The following MTERF4 variants were observed in gnomAD, a reference collection of about 807,000 sequenced individuals.
MTERF4 encodes the protein mitochondrial transcription termination factor 4.
In MTERF4, 17 loss-of-function variants were observed where a neutral mutation model predicts 22.5. The ratio of observed to expected loss-of-function variants is 0.75; its 90% CI spans 0.52 to 1.13. The LOEUF (loss-of-function observed/expected upper bound fraction) is 1.13, where lower values mean the gene tolerates loss of function less well. Ranked by LOEUF, MTERF4 falls within the 50% of genes most tolerant of loss-of-function variation. The pLI is 0.00. For synonymous variants in MTERF4, 165 were observed against 175.3 expected, an observed-to-expected ratio of 0.94 and a Z score of 0.47; for missense variants, 420 against 466.8, an observed-to-expected ratio of 0.90 and a Z score of 0.92.
At chr2:241,087,672 G>C (rs1392535299), downstream of MTERF4, 2 of 1,377,560 alleles carry the variant, frequency 1.5e-6, no homozygotes, top group Non-Finnish European at 1.9e-6. Context: ...CATACCCAGA[G>C]GGGCACAGCC....
At chr2:241,067,766 C>A (rs1026668444), downstream of MTERF4, 10 of 1,605,778 alleles carry the variant, frequency 6.2e-6, no homozygotes, top group Non-Finnish European at 8.5e-6. Flanking sequence ...CCCCCTAGGA[C>A]CCCGCCCTGT....
At chr2:241,045,596 T>C in the MTERF4 span, among the ~76,000 whole-genome samples, 2 of 151,354 alleles carry the variant, frequency 1.3e-5, no homozygotes, top group Admixed American at 1.3e-4. Context: ...TATCCTTATA[T>C]GTATAAAAAA....
chr2:241,065,576 C>T, the MTERF4 span: 226 of 1,612,206 alleles, frequency 1.4e-4, 1 homozygote, highest in South Asian at 2.1e-3. Flanking sequence ...GCAGGCCTGC[C>T]GTGCTGCTGG....
downstream of MTERF4, chr2:241,094,768 A>T (rs2064281770): frequency 5.9e-6 from 1 of 169,588 alleles, no homozygotes; most frequent in African/African-American, 2.4e-5. This position sits in a 1 kb window ranked among gnomAD's most constrained non-coding sequence, Gnocchi z 4.3. Flanking sequence ...CTAGAATCCT[A>T]CAATCTACCA....
At chr2:241,084,355 T>C (rs1367621953), downstream of MTERF4, among the ~76,000 whole-genome samples, 1 of 152,140 alleles carries the variant, frequency 6.6e-6, no homozygotes, top group Non-Finnish European at 1.5e-5. Context: ...GGTTTCACCA[T>C]GTTGGCCAGG....
the MTERF4 span, among the ~76,000 whole-genome samples, chr2:241,052,831 G>A: frequency 0.01 from 1,150 of 112,382 alleles, 35 homozygotes; most frequent in African/African-American, 0.029. Context: ...ATGGGATGCC[G>A]GTGTCAGGCA....
the MTERF4 span, among the ~76,000 whole-genome samples, chr2:241,061,985 A>G: frequency 6.6e-6 from 1 of 152,248 alleles, no homozygotes; most frequent in African/African-American, 2.4e-5. Context: ...GTGAAAATCT[A>G]TGAACCACAG....
the MTERF4 span, chr2:241,064,805 C>T: frequency 2.1e-6 from 3 of 1,437,860 alleles, no homozygotes; most frequent in Admixed American, 8.2e-5. This position sits in a 1 kb window ranked among gnomAD's most constrained non-coding sequence, Gnocchi z 7.0. Flanking sequence ...GGACCCCTGG[C>T]CACGCCCCAA....
chr2:241,044,816 C>T, the MTERF4 span, among the ~76,000 whole-genome samples: 9 of 152,212 alleles, frequency 5.9e-5, no homozygotes, highest in African/African-American at 2.2e-4. Context: ...TCTGTCATCC[C>T]ATTACTTGGT....
the MTERF4 span, chr2:241,052,537 C>G: frequency 0.011 from 12,461 of 1,097,596 alleles, 463 homozygotes; most frequent in African/African-American, 0.068. Flanking sequence ...ATGGCCAGGG[C>G]CCAAGCAGGG....
chr2:241,079,648 TAAAAAC>T (rs904055379), intron 4 of MTERF4, among the ~76,000 whole-genome samples: 20 of 152,112 alleles, frequency 1.3e-4, no homozygotes, highest in Admixed American at 1.0e-3. Flanking sequence ...AAAAAGGTTT[TAAAAAC>T]AATAAAAAGA....
At chr2:241,072,531 G>A in exon 5 of MTERF4, 1 of 329,388 alleles carries the variant, frequency 3.0e-6, no homozygotes, top group Admixed American at 4.5e-5. Context: ...CTCCCCAACA[G>A]AGCCTAGTCA....
At chr2:241,089,670 A>G (rs533589003), downstream of MTERF4, among the ~76,000 whole-genome samples, 1 of 152,362 alleles carries the variant, frequency 6.6e-6, no homozygotes, top group African/African-American at 2.4e-5. Context: ...AGACACACAC[A>G]CTAAGCACAC....
the MTERF4 span, chr2:241,048,609 G>A: frequency 6.5e-7 from 1 of 1,535,464 alleles, no homozygotes; most frequent in Admixed American, 1.9e-5. Context: ...TGGAGCGAGG[G>A]TGCCATCTTT....
the MTERF4 span, chr2:241,052,124 C>A: frequency 6.2e-7 from 1 of 1,613,800 alleles, no homozygotes; most frequent in Non-Finnish European, 8.5e-7. Flanking sequence ...GTGTGACTGT[C>A]CCCCAGGCTT....
In MTERF4 at chr2:241,102,122, A is replaced by G. The variant is rs539506673; in HGVS notation, c.21+131T>C. The G allele has an allele frequency of 1.2e-5, 15 of 1,282,174 alleles. No homozygotes were observed. The African/African-American group carries it at 1.6e-4, about 14-fold the overall frequency. The allele number at this position is 1,282,174 out of a possible 1,614,324, so 79.4% of individuals were successfully genotyped here. ...GCCACGGGTCCAGGATGCCAAAACC[A>G]GGTCAGCGTGCACGGACCTCCGGGA... is the stretch of plus-strand genomic sequence containing the variant. On this transcript the variant is annotated intron_variant, in intron 1 of 3. Coordinates refer to ENST00000391980, the MANE Select transcript of MTERF4 (RefSeq NM_182501.4).
At chr2:241,097,961 AC>A (rs552208838) in intron 2 of MTERF4, among the ~76,000 whole-genome samples, 22 of 152,344 alleles carry the variant, frequency 1.4e-4, no homozygotes, top group African/African-American at 5.1e-4. Context: ...ACCAATGCTG[AC>A]GTCCTGGTTA....
At chr2:241,094,234 A>G (rs2064235873), downstream of MTERF4, 1 of 461,790 alleles carries the variant, frequency 2.2e-6, no homozygotes, top group Non-Finnish European at 4.5e-6. The surrounding 1 kb of genome is among the most constrained non-coding windows in gnomAD (Gnocchi z 4.3). Flanking sequence ...GTCCTCCAGT[A>G]GAGAACCCAA....
the MTERF4 span, among the ~76,000 whole-genome samples, chr2:241,045,856 G>T: frequency 1.6e-4 from 25 of 152,216 alleles, no homozygotes; most frequent in East Asian, 3.5e-3. Flanking sequence ...ATGGTTAAAA[G>T]AATAAAAAGA....
Sources: gnomAD v4.1 joint callset for allele counts (sites outside exome capture counted in the v4.1 genomes callset) on GRCh38, gnomAD v4.1.1 for gene constraint, Gnocchi (gnomAD v3.1) non-coding constraint, MANE v1.5 for transcripts, NCBI Gene and HGNC (gene_info 2026-07-23, HGNC 2026-07-21) for gene names.